The following CSMD1 variants were observed in gnomAD, a reference collection of about 807,000 sequenced individuals.
CSMD1 encodes CUB and sushi domain-containing protein 1.
CSMD1 carries 213 observed loss-of-function variants against 417.5 expected under a neutral mutation model. The ratio of observed to expected loss-of-function variants is 0.51; its 90% CI spans 0.46 to 0.57. CSMD1 has a LOEUF of 0.57. CSMD1 is among the 20% of genes least tolerant of loss of function. The pLI is 0.00. For synonymous variants in CSMD1, 2,862 were observed against 1,736.8 expected (o/e 1.65, Z -16.11); for missense variants, 6,923 against 4,529.7 (o/e 1.53, Z -15.17).
At chr8:4,451,585 TA>T (rs1799147518) in intron 2 of CSMD1, among the ~76,000 whole-genome samples, 1 of 152,106 alleles carries the variant, frequency 6.6e-6, no homozygotes, top group Admixed American at 6.6e-5. Flanking sequence ...AAGAAAGCCT[TA>T]AAAAGAAGAC....
chr8:4,319,923 G>C (rs1176007284), intron 3 of CSMD1, among the ~76,000 whole-genome samples: 1 of 152,106 alleles, frequency 6.6e-6, no homozygotes, highest in South Asian at 2.1e-4. Flanking sequence ...GCAGTAGGGA[G>C]TCATCTTCAG....
chr8:4,490,420 C>T (rs993183932), intron 2 of CSMD1, among the ~76,000 whole-genome samples: 2 of 152,152 alleles, frequency 1.3e-5, no homozygotes, highest in African/African-American at 2.4e-5. Context: ...TCACATCTGT[C>T]CTATCTACTA....
rs1248280623 is a variant in CSMD1, at chr8:3,898,073, A to G, written c.818+99830T>C. ...TTATGTACTTACAAACAAGGTATGG[A>G]GGGAAATATATTACAATCGCCCTGA... is the stretch of plus-strand genomic sequence containing the variant. On this transcript the variant is annotated intron_variant, in intron 5 of 69. Transcript: ENST00000635120. Among the ~76,000 whole-genome samples, 4 of 152,294 alleles carry G rather than the reference A, an allele frequency of 2.6e-5. 1 individual carries two copies. The highest frequency in any genetic ancestry group is 4.1e-4 in the South Asian group (2 of 4,822).
In CSMD1 at chr8:3,343,321, C is replaced by A. The variant is rs749555971; in HGVS notation, c.3604G>T (p.Asp1202Tyr). The change falls in exon 23 of 70, where the codon GAC (aspartate) becomes TAC (tyrosine). Residue 1202 changes from aspartate to tyrosine, a missense_variant. By Grantham distance (160) the Asp-to-Tyr change is radical (BLOSUM62 -3). Transcript: ENST00000635120. ...GTATAGGTGAGTTGAAAACCTTGGT[C>A]GGTGTCAGATCCATTGGTGTTGAAC... ...LEFNTNGSDT[D>Y]QGFQLTYTSF... 1.9e-6 allele frequency: 3 copies of A among 1,613,620 alleles called. No homozygotes were observed. The highest frequency in any genetic ancestry group is 1.7e-5 in the Admixed American group (1 of 59,996).
At chr8:3,854,795 A>G (rs1254791252) in intron 5 of CSMD1, among the ~76,000 whole-genome samples, 2 of 152,162 alleles carry the variant, frequency 1.3e-5, no homozygotes, top group Non-Finnish European at 2.9e-5. Flanking sequence ...CAAAATTCAT[A>G]TCGAGCTGTT....
In CSMD1 at chr8:4,603,700, C is replaced by A. The variant is rs144499315; in HGVS notation, c.302+33642G>T. On this transcript the variant is annotated intron_variant, in intron 2 of 69. Coordinates refer to ENST00000635120, the MANE Select transcript of CSMD1 (RefSeq NM_033225.6). ...CATTAAAAACAGTGATTTTCTTTCA[C>A]TTCTAAATGTTGGCTTGTATGCTAA... 5.7e-4 allele frequency among the ~76,000 whole-genome samples: 86 copies of A among 152,200 alleles called. 1 individual carries two copies. The highest frequency in any genetic ancestry group is 2.9e-3 in the Admixed American group (45 of 15,268).
chr8:3,955,288 C>T (rs66531571), intron 5 of CSMD1, among the ~76,000 whole-genome samples: 21,574 of 152,122 alleles, frequency 0.14, 2,034 homozygotes, highest in African/African-American at 0.26. Flanking sequence ...CATGCAGTGT[C>T]AACACCAAAC....
Position 4,142,664 on chromosome 8 carries a change from G to A in CSMD1, c.416-110565C>T, listed in dbSNP as rs75683551. ...AGAGAGAAAACAGTAACTGATTCTG[G>A]CCGTGGCTTCTTTGCAGTTATTGGG... is the stretch of plus-strand genomic sequence containing the variant. On this transcript the variant is annotated intron_variant, in intron 3 of 69. Coordinates refer to ENST00000635120, the MANE Select transcript of CSMD1 (RefSeq NM_033225.6). 1.6e-3 allele frequency among the ~76,000 whole-genome samples: 242 copies of A among 151,102 alleles called. 1 individual carries two copies. In the East Asian group the frequency reaches 0.04, roughly 25 times the overall value.
At chr8:3,708,295 G>A in intron 7 of CSMD1, 119 bp downstream of exon 7, 1 of 755,688 alleles carries the variant, frequency 1.3e-6, no homozygotes, top group Non-Finnish European at 2.2e-6. Context: ...TTTGGATATA[G>A]AAAAGAAGGA....
chr8:3,238,000 G>A (rs985151561), intron 26 of CSMD1, among the ~76,000 whole-genome samples: 6 of 149,990 alleles, frequency 4.0e-5, no homozygotes, highest in Non-Finnish European at 3.0e-5. Flanking sequence ...TTTCACTCGC[G>A]TCCGTGTGAA....
intron 3 of CSMD1, among the ~76,000 whole-genome samples, chr8:4,058,103 G>A (rs938615641): frequency 2.6e-5 from 4 of 152,114 alleles, no homozygotes; most frequent in South Asian, 2.1e-4. Flanking sequence ...GGATGGCATT[G>A]AATCTATAAA....
chr8:4,063,669 A>T (rs1220757457), intron 3 of CSMD1, among the ~76,000 whole-genome samples: 1 of 152,186 alleles, frequency 6.6e-6, no homozygotes, highest in Admixed American at 6.5e-5. Context: ...GGGGCATTCT[A>T]CCAGGAAGGA....
intron 5 of CSMD1, among the ~76,000 whole-genome samples, chr8:3,836,485 G>C (rs1263288053): frequency 1.3e-5 from 2 of 152,154 alleles, no homozygotes; most frequent in African/African-American, 4.8e-5. Context: ...AGCAGAGATT[G>C]TTGCTGTATA....
chr8:3,817,029 TAGG>T (rs1311234753), intron 5 of CSMD1, among the ~76,000 whole-genome samples: 1 of 151,958 alleles, frequency 6.6e-6, no homozygotes, highest in African/African-American at 2.4e-5. Context: ...AAAACAATTT[TAGG>T]AGATGACAAG....
In CSMD1 at chr8:3,493,875, G is replaced by C. The variant is rs949765148; in HGVS notation, c.1345-149C>G. On this transcript the variant is annotated intron_variant, in intron 10 of 69. Transcript: ENST00000635120. ...CAGAGCTGCTTTAAGTAGTTACATG[G>C]ATAATTATATATATTTGATAGCCTG... 3.8e-5 allele frequency: 21 copies of C among 555,252 alleles called. No homozygotes were observed. The African/African-American group carries it at 3.8e-4, about 10-fold the overall frequency. 34.4% of individuals were successfully genotyped at this position (555,252 alleles called of 1,614,324 possible). A position where few individuals can be genotyped will look rare whatever the true frequency, so the allele number is the denominator to read the frequency against.
chr8:3,507,089 G>C (rs1222735862), intron 10 of CSMD1, among the ~76,000 whole-genome samples: 1 of 152,120 alleles, frequency 6.6e-6, no homozygotes, highest in Non-Finnish European at 1.5e-5. Flanking sequence ...TTTTACAAAT[G>C]ATAATTACTA....
At chr8:3,205,955 C>G (rs915570803) in intron 30 of CSMD1, among the ~76,000 whole-genome samples, 19 of 152,146 alleles carry the variant, frequency 1.2e-4, no homozygotes, top group Admixed American at 3.9e-4. Flanking sequence ...GCGGAGTTGT[C>G]TGTTCGAAGT....
intron 11 of CSMD1, among the ~76,000 whole-genome samples, chr8:3,476,188 A>G (rs950323909): frequency 6.6e-6 from 1 of 152,216 alleles, no homozygotes; most frequent in African/African-American, 2.4e-5. Context: ...ACCAAAATAC[A>G]AATGCAAAAA....
At chr8:3,246,322 A>T (rs1200936242) in intron 26 of CSMD1, among the ~76,000 whole-genome samples, 1 of 152,020 alleles carries the variant, frequency 6.6e-6, no homozygotes, top group East Asian at 1.9e-4. Flanking sequence ...GTTCCCTGAA[A>T]TGCTCCTTTA....
Sources: allele counts gnomAD v4.1 joint callset (sites outside exome capture counted in the v4.1 genomes callset), GRCh38; gene constraint gnomAD v4.1.1; transcripts MANE v1.5; gene names NCBI Gene and HGNC (gene_info 2026-07-23, HGNC 2026-07-21).